The following CYP4F3 variants were observed in gnomAD, a reference collection of about 807,000 sequenced individuals.
CYP4F3 encodes the protein cytochrome P450 family 4 subfamily F member 3.
CYP4F3 carries 50 observed loss-of-function variants against 54.8 expected under a neutral mutation model. The ratio of observed to expected loss-of-function variants is 0.91; its 90% CI spans 0.73 to 1.16. CYP4F3 has a LOEUF of 1.16. Ranked by LOEUF, CYP4F3 falls within the 50% of genes most tolerant of loss-of-function variation. The probability of loss-of-function intolerance (pLI) is 0.00; values close to 1 mark genes in which losing one functional copy is unlikely to be tolerated. For synonymous variants in CYP4F3, 244 were observed against 262.6 expected (o/e 0.93, Z 0.69); for missense variants, 715 against 676.2 (o/e 1.06, Z -0.64).
At chr19:15,645,634 G>C (rs1972600228) in intron 2 of CYP4F3, 85 bp from the exon 3 acceptor site, 1 of 1,488,600 alleles carries the variant, frequency 6.7e-7, no homozygotes, top group Non-Finnish European at 9.0e-7. Context: ...AATTCTCAGG[G>C]AGAGGGCTTC....
At chr19:15,655,714 A>G (rs1972993838) in intron 9 of CYP4F3, among the ~76,000 whole-genome samples, 1 of 152,182 alleles carries the variant, frequency 6.6e-6, no homozygotes, top group Non-Finnish European at 1.5e-5. Context: ...GGGTCTGCAT[A>G]TTATCTCTGA....
At chr19:15,642,733 CAGAT>C (rs1471872422) in intron 2 of CYP4F3, among the ~76,000 whole-genome samples, 4 of 152,238 alleles carry the variant, frequency 2.6e-5, no homozygotes, top group East Asian at 1.9e-4. Flanking sequence ...GGAATGTAGA[CAGAT>C]AGATAGGTAA....
chr19:15,645,061 G>A (rs1246952868), intron 2 of CYP4F3, among the ~76,000 whole-genome samples: 2 of 152,156 alleles, frequency 1.3e-5, no homozygotes, highest in Non-Finnish European at 2.9e-5. Context: ...CTTTCTCCAC[G>A]CCACTTTTGG....
intron 2 of CYP4F3, among the ~76,000 whole-genome samples, chr19:15,644,537 T>A (rs1972568206): frequency 6.6e-6 from 1 of 152,216 alleles, no homozygotes; most frequent in South Asian, 2.1e-4. Context: ...TCGTTAGTGT[T>A]CAAGGCCCCT....
At chr19:15,650,744 TC>T (rs1568398079) in intron 7 of CYP4F3, among the ~76,000 whole-genome samples, 3 of 111,340 alleles carry the variant, frequency 2.7e-5, no homozygotes, top group East Asian at 4.1e-4. Context: ...TTCTTTTCCT[TC>T]CTTCCATCTT....
chr19:15,656,760 CTATCTAT>C (rs1482882836), intron 9 of CYP4F3, among the ~76,000 whole-genome samples: 114 of 102,364 alleles, frequency 1.1e-3, no homozygotes, highest in Admixed American at 1.3e-3. Flanking sequence ...ATCTATCTAT[CTATCTAT>C]CATCCATCCA....
intron 9 of CYP4F3, among the ~76,000 whole-genome samples, chr19:15,654,942 C>G (rs939893840): frequency 6.6e-6 from 1 of 152,092 alleles, no homozygotes; most frequent in Non-Finnish European, 1.5e-5. Flanking sequence ...CTTGAGGAAC[C>G]TCTGTGCTGT....
chr19:15,649,080 G>A lies in CYP4F3; in HGVS notation c.526-80G>A, dbSNP rs540277380. On this transcript the variant is annotated intron_variant, in intron 5 of 12. Transcript: ENST00000221307. The stretch of plus-strand genomic sequence containing the variant: ...AAGATGAAGAGGCTTATTCTGGGGC[G>A]TGCATATTGATTGTTGGGGTTGGAG... 113 of 1,587,820 alleles carry A rather than the reference G, an allele frequency of 7.1e-5. 1 individual carries two copies. In the East Asian group the frequency reaches 1.3e-3, roughly 18 times the overall value.
intron 2 of CYP4F3, chr19:15,643,843 C>T (rs987061011): frequency 8.3e-5 from 119 of 1,441,814 alleles, no homozygotes; most frequent in Middle Eastern, 2.0e-4. Context: ...CATCCTTTAG[C>T]CCAGTCAAGT....
At chr19:15,644,123 C>T (rs919625994) in intron 2 of CYP4F3, 60 of 1,442,064 alleles carry the variant, frequency 4.2e-5, no homozygotes, top group Middle Eastern at 1.8e-4. Flanking sequence ...ATCCCCAAGC[C>T]GTGTGTGGCC....
Position 15,643,890 on chromosome 19 carries a change from C to T in CYP4F3, c.199-1829C>T, listed in dbSNP as rs780567542. ...ATTAACCATGACAGGAGGTGACGGC[C>T]CCTGCCTTGCTTGCAGGTCACCCCC... is the stretch of plus-strand genomic sequence containing the variant. On this transcript the variant is annotated intron_variant, in intron 2 of 12. Coordinates refer to ENST00000221307, the MANE Select transcript of CYP4F3 (RefSeq NM_000896.3). The T allele has an allele frequency of 3.2e-6, 5 of 1,544,094 alleles. No individual in the cohort carries two copies. The South Asian group carries it at 4.9e-5, about 15-fold the overall frequency.
At chr19:15,650,356 A>G in intron 7 of CYP4F3, 173 bp downstream of exon 7, 1 of 1,256,254 alleles carries the variant, frequency 8.0e-7, no homozygotes, top group Non-Finnish European at 1.1e-6. Context: ...ACTAGCACCT[A>G]CCAGGGGACT....
At position 15,659,652 on chromosome 19, in the gene CYP4F3, T is replaced by C; in HGVS notation, c.*267T>C. On this transcript the variant is annotated 3_prime_UTR_variant, in exon 13 of 13. Coordinates refer to ENST00000221307, the MANE Select transcript of CYP4F3 (RefSeq NM_000896.3). ...AACAAAATATGGTCCATCCATACAATGGAGTATTACACAGCCATAAAAAGG... is the reference window on the plus strand; with the variant it reads ...AACAAAATATGGTCCATCCATACAACGGAGTATTACACAGCCATAAAAAGG... The C allele has an allele frequency of 1.9e-6, 1 of 532,994 alleles. No individual in the cohort carries two copies. Among genetic ancestry groups the C allele is most frequent in the Non-Finnish European group, 3.3e-6 (1 of 306,198 alleles). The allele number at this position is 532,994 out of a possible 1,614,324, so 33.0% of individuals were successfully genotyped here.
chr19:15,650,343 T>A, intron 7 of CYP4F3, 160 bp downstream of exon 7: 1 of 1,379,442 alleles, frequency 7.2e-7, no homozygotes. Flanking sequence ...GATAGCTCTG[T>A]GGACTAGCAC....
intron 7 of CYP4F3, 131 bp from the exon 8 acceptor site, chr19:15,652,438 A>T (rs2733749): frequency 0.62 from 848,848 of 1,366,986 alleles, 266,756 homozygotes; most frequent in East Asian, 0.82. Context: ...GGTCTAGGAG[A>T]GCAAGATGGG....
chr19:15,648,012 C>CAATGGCAGG (rs1174408057), intron 5 of CYP4F3, among the ~76,000 whole-genome samples: 1 of 152,122 alleles, frequency 6.6e-6, no homozygotes, highest in Non-Finnish European at 1.5e-5. Flanking sequence ...AACACGGAAT[C>CAATGGCAGG]AATGGCAGGG....
chr19:15,650,664 C>CTTTCTTTCTTTCTTTCTTTCTTTCTTT (rs1972772909), intron 7 of CYP4F3, among the ~76,000 whole-genome samples: 4 of 18,084 alleles, frequency 2.2e-4, no homozygotes, highest in Admixed American at 1.2e-3. Flanking sequence ...CCTTCTTTTT[C>CTTTCTTTCTTTCTTTCTTTCTTTCTTT]TTTCTTTCTT....
intron 9 of CYP4F3, among the ~76,000 whole-genome samples, chr19:15,656,768 C>CTATCT (rs5827294): frequency 5.5e-5 from 3 of 54,388 alleles, no homozygotes; most frequent in Admixed American, 4.7e-4. Flanking sequence ...ATCTATCTAT[C>CTATCT]ATCCATCCAT....
chr19:15,658,114 A>G, intron 9 of CYP4F3, 150 bp from the exon 10 acceptor site: 1 of 1,517,592 alleles, frequency 6.6e-7, no homozygotes, highest in African/African-American at 1.4e-5. Flanking sequence ...CAACAGTGTC[A>G]CACTGTTTTT....
Sources: allele counts gnomAD v4.1 joint callset (sites outside exome capture counted in the v4.1 genomes callset), GRCh38; gene constraint gnomAD v4.1.1; transcripts MANE v1.5; gene names NCBI Gene and HGNC (gene_info 2026-07-23, HGNC 2026-07-21).